The following FAM217A variants were observed in gnomAD, a reference collection of about 807,000 sequenced individuals.
FAM217A encodes the protein protein FAM217A.
In FAM217A, 13 loss-of-function variants were observed where a neutral mutation model predicts 18.5. The observed-to-expected ratio is 0.70, with a 90% confidence interval of 0.46 to 1.12. FAM217A has a LOEUF of 1.12. FAM217A is among the 50% of genes most tolerant of loss of function. The pLI is 0.00. For missense variants in FAM217A, 560 were observed against 575.4 expected (o/e 0.97, Z 0.27); for synonymous variants, 161 against 202.8 (o/e 0.79, Z 1.75).
rs116305631 is a variant in FAM217A, at chr6:4,071,801, C to T, written c.302+1474G>A. On this transcript the variant is annotated intron_variant, in intron 6 of 6. Coordinates refer to ENST00000274673, the MANE Select transcript of FAM217A (RefSeq NM_173563.3). ...AATTTTAACATAAAGTGAACTGTATCCCAGGCCTCACAGAAGTAAAATTCT... is the reference window on the plus strand; with the variant it reads ...AATTTTAACATAAAGTGAACTGTATTCCAGGCCTCACAGAAGTAAAATTCT... 4.9e-3 allele frequency among the ~76,000 whole-genome samples: 746 copies of T among 152,210 alleles called. 2 individuals are homozygous for T. The highest frequency in any genetic ancestry group is 8.2e-3 in the Non-Finnish European group (555 of 68,002).
chr6:4,068,559 C>T lies in FAM217A; in HGVS notation c.*137G>A. The stretch of plus-strand genomic sequence containing the variant: ...TCAGCAGTGCTTTTCACAAGTTCTA[C>T]TCCATATCACATCAAGCAACTGTTT... On this transcript the variant is annotated 3_prime_UTR_variant, in exon 7 of 7. Coordinates refer to ENST00000274673, the MANE Select transcript of FAM217A (RefSeq NM_173563.3). 3.3e-6 allele frequency: 3 copies of T among 921,906 alleles called. No homozygotes were observed. Among genetic ancestry groups the T allele is most frequent in the Non-Finnish European group, 4.8e-6 (3 of 622,900 alleles). 57.1% of individuals were successfully genotyped at this position (921,906 alleles called of 1,614,324 possible).
In FAM217A at chr6:4,077,428, T is replaced by C. The variant is rs1769896114; in HGVS notation, c.-14A>G. On this transcript the variant is annotated 5_prime_UTR_variant, in exon 2 of 7. Transcript: ENST00000274673. ...TCTTCTCCCCATTTTGTTGTAGCTG[T>C]TGCTCTGTTTCCTTAAAATCCTACA... 6.2e-7 allele frequency: 1 copy of C among 1,614,116 alleles called. No homozygotes were observed. The highest frequency in any genetic ancestry group is 8.5e-7 in the Non-Finnish European group (1 of 1,179,940).
intron 1 of FAM217A, among the ~76,000 whole-genome samples, 170 bp from the exon 2 acceptor site, chr6:4,077,618 A>G (rs1236333197): frequency 1.3e-5 from 2 of 152,180 alleles, no homozygotes; most frequent in Non-Finnish European, 2.9e-5. Context: ...ACCAGAAGCA[A>G]GGGGCAAGCC....
upstream of FAM217A, among the ~76,000 whole-genome samples, chr6:4,081,983 T>C (rs1161449092): frequency 6.6e-6 from 1 of 152,254 alleles, no homozygotes; most frequent in Non-Finnish European, 1.5e-5. Flanking sequence ...TAAGATTCTT[T>C]TTTTTTCTTA....
At chr6:4,079,564 C>T (rs1297679497), upstream of FAM217A, 70 of 1,278,434 alleles carry the variant, frequency 5.5e-5, no homozygotes, top group Non-Finnish European at 6.7e-5. Flanking sequence ...CCCTGGGCCT[C>T]TCCAGGCTGA....
upstream of FAM217A, among the ~76,000 whole-genome samples, chr6:4,082,741 T>C (rs1247126969): frequency 6.6e-6 from 1 of 152,256 alleles, no homozygotes; most frequent in Non-Finnish European, 1.5e-5. Context: ...CCATACTTTG[T>C]TGAACCTAAG....
exon 2 of FAM217A, chr6:4,084,792 C>T: frequency 1.4e-6 from 1 of 702,998 alleles, no homozygotes. Flanking sequence ...AGAAGGTATT[C>T]AGGAGACACA....
chr6:4,072,127 G>A (rs1478822860), intron 6 of FAM217A, among the ~76,000 whole-genome samples: 1 of 152,122 alleles, frequency 6.6e-6, no homozygotes, highest in Non-Finnish European at 1.5e-5. Context: ...TGAATCACAA[G>A]GTCAGGAGTT....
In FAM217A at chr6:4,069,814, C is replaced by T; in HGVS notation, c.409G>A (p.Val137Ile). 3 of 1,614,206 alleles carry T rather than the reference C, an allele frequency of 1.9e-6. No homozygotes were observed. The highest frequency in any genetic ancestry group is 1.1e-5 in the South Asian group (1 of 91,084). Residue 137 changes from valine (V) to isoleucine (I), a missense_variant, in exon 7 of 7, where the codon GTT becomes ATT. Physicochemically the swap from Val to Ile is conservative, Grantham distance 29. Transcript: ENST00000274673. ...ATTGGCAGTCCAGGGTAAGGACCAA[C>T]TTGCTTATCAACTGAAGCAATTGTT... ...PLTIASVDKQVGPYPGLPMPL... is the reference protein window; with the variant it reads ...PLTIASVDKQIGPYPGLPMPL...
At chr6:4,077,562 AAG>A (rs1409565976) in intron 1 of FAM217A, 114 bp from the exon 2 acceptor site, 8 of 889,162 alleles carry the variant, frequency 9.0e-6, no homozygotes, top group African/African-American at 8.2e-5. Context: ...TAGAAAGCAG[AAG>A]AGAGGGGCTA....
At chr6:4,077,299 G>C in intron 2 of FAM217A, 56 bp downstream of exon 2, 1 of 1,569,204 alleles carries the variant, frequency 6.4e-7, no homozygotes, top group Non-Finnish European at 8.8e-7. Context: ...TGGGAGTTAC[G>C]TGTTAGCAAC....
intron 1 of FAM217A, among the ~76,000 whole-genome samples, chr6:4,085,791 T>C (rs1770617891): frequency 6.6e-6 from 1 of 152,104 alleles, no homozygotes; most frequent in South Asian, 2.1e-4. Context: ...AAGTTTTACT[T>C]TTTGAGTTTG....
intron 1 of FAM217A, among the ~76,000 whole-genome samples, chr6:4,085,202 C>T (rs1387705890): frequency 2.0e-5 from 3 of 151,872 alleles, no homozygotes; most frequent in East Asian, 1.9e-4. Context: ...ATTTGCCAGG[C>T]GTCATTCATG....
In FAM217A at chr6:4,072,209, C is replaced by T. The variant is rs1327043101; in HGVS notation, c.302+1066G>A. ...TACAAAAATTAGCCAGGCATGGTGG[C>T]GGGCACCTGTAATCCTAGCTACTCA... On this transcript the variant is annotated intron_variant, in intron 6 of 6. Coordinates refer to ENST00000274673, the MANE Select transcript of FAM217A (RefSeq NM_173563.3). Among the ~76,000 whole-genome samples, 12 of 152,048 alleles carry T rather than the reference C, an allele frequency of 7.9e-5. No individual in the cohort carries two copies. The East Asian group carries it at 1.4e-3, about 17-fold the overall frequency.
rs1425623607 is a variant in FAM217A at position 4,078,996 on chromosome 6, GGGCGGCT to G, written c.-186_-180del. The G allele has an allele frequency of 2.1e-6, 1 of 481,786 alleles. No individual in the cohort carries two copies. The allele number at this position is 481,786 out of a possible 1,614,324, so 29.8% of individuals were successfully genotyped here. ...GCAGCGGGGGGACAAAGAGGGCGGCGGGCGGCTGGCGGCCTTGAGCGCAGCCCGGTCG... is the reference window on the plus strand; with the variant it reads ...GCAGCGGGGGGACAAAGAGGGCGGCGGGCGGCCTTGAGCGCAGCCCGGTCG... On this transcript the variant is annotated 5_prime_UTR_variant, in exon 1 of 7. Coordinates refer to ENST00000274673, the MANE Select transcript of FAM217A (RefSeq NM_173563.3).
chr6:4,082,881 C>G (rs892072970), upstream of FAM217A, among the ~76,000 whole-genome samples: 5 of 152,234 alleles, frequency 3.3e-5, no homozygotes, highest in Admixed American at 2.6e-4. Flanking sequence ...AGTACTTCTC[C>G]TGTCTCAGCC....
intron 4 of FAM217A, 40 bp from the exon 5 acceptor site, chr6:4,073,547 T>G (rs2113865230): frequency 4.7e-6 from 7 of 1,489,938 alleles, no homozygotes; most frequent in African/African-American, 1.4e-5. Context: ...AATATATCTC[T>G]GTTCCCTATT....
intron 1 of FAM217A, chr6:4,086,938 G>A (rs1486797727): frequency 7.5e-6 from 3 of 398,888 alleles, no homozygotes; most frequent in Non-Finnish European, 8.8e-6. Context: ...CTCCGGTTGA[G>A]CATTTGTTTA....
At position 4,069,720 on chromosome 6, in the gene FAM217A, C is replaced by G. The variant is rs1769279297; in HGVS notation, c.503G>C (p.Ser168Thr). The G allele has an allele frequency of 6.2e-7, 1 of 1,614,002 alleles. No individual in the cohort carries two copies. Among genetic ancestry groups the G allele is most frequent in the African/African-American group, 1.3e-5 (1 of 74,910 alleles). ...FFKNRNEIHV[S>T]SCSTIENNDG... ...ATTGTTTTCTATAGTTGAACATGAA[C>G]TAACATGAATCTCATTTCTGTTCTT... The change falls in exon 7 of 7, where the codon AGT (serine) becomes ACT (threonine). Residue 168 changes from serine (S) to threonine (T), a missense_variant. Physicochemically the swap from Ser to Thr is moderately conservative, Grantham distance 58 (BLOSUM62 1). Transcript: ENST00000274673.
Sources: allele counts gnomAD v4.1 joint callset (sites outside exome capture counted in the v4.1 genomes callset), GRCh38; gene constraint gnomAD v4.1.1; transcripts MANE v1.5; gene names NCBI Gene and HGNC (gene_info 2026-07-23, HGNC 2026-07-21).